NAALAD2: variants seen among roughly 807,000 people sequenced by gnomAD.
NAALAD2 encodes N-acetylated alpha-linked acidic dipeptidase 2, also known as N-acetylated-alpha-linked acidic dipeptidase 2.
In NAALAD2, 89 loss-of-function variants were observed where a neutral mutation model predicts 95.6. The observed-to-expected ratio is 0.93, with a 90% CI of 0.78 to 1.11. The LOEUF is 1.11. NAALAD2 is among the 50% of genes least tolerant of loss of function. NAALAD2 has a pLI of 0.00. For synonymous variants in NAALAD2, 264 were observed against 294.4 expected (o/e 0.90, Z 1.06); for missense variants, 894 against 872.4 (o/e 1.02, Z -0.31).
At chr11:90,184,997 A>G (rs1360724897) in intron 18 of NAALAD2, among the ~76,000 whole-genome samples, 1 of 152,138 alleles carries the variant, frequency 6.6e-6, no homozygotes, top group African/African-American at 2.4e-5. Context: ...GAGCTGATTT[A>G]AAGTATCTGG....
intron 5 of NAALAD2, among the ~76,000 whole-genome samples, chr11:90,151,246 C>T (rs75600323): frequency 0.041 from 6,226 of 152,134 alleles, 424 homozygotes; most frequent in African/African-American, 0.14. Context: ...GACGAGGGCA[C>T]CAATCTCATA....
intron 11 of NAALAD2, among the ~76,000 whole-genome samples, chr11:90,168,273 C>T (rs1042542431): frequency 3.9e-5 from 6 of 152,162 alleles, no homozygotes; most frequent in Admixed American, 2.0e-4. Context: ...GAATAAACTC[C>T]GGACACGCCG....
chr11:90,177,402 G>C (rs1028554603), intron 15 of NAALAD2, among the ~76,000 whole-genome samples: 1 of 150,266 alleles, frequency 6.7e-6, no homozygotes, highest in African/African-American at 2.5e-5. Flanking sequence ...TTTAGTTATC[G>C]AAGATACAAG....
At chr11:90,155,960 T>C (rs1952107071) in intron 6 of NAALAD2, among the ~76,000 whole-genome samples, 1 of 148,170 alleles carries the variant, frequency 6.7e-6, no homozygotes, top group African/African-American at 2.5e-5. Context: ...AAGTGAGCCT[T>C]GGTAGTTTGC....
At chr11:90,187,783 T>C (rs533591258) in intron 18 of NAALAD2, among the ~76,000 whole-genome samples, 2 of 152,314 alleles carry the variant, frequency 1.3e-5, no homozygotes, top group Admixed American at 6.5e-5. Context: ...TTACCAAATC[T>C]GTAGTGTAAT....
intron 11 of NAALAD2, among the ~76,000 whole-genome samples, chr11:90,167,917 T>TG (rs1055540803): frequency 6.6e-5 from 10 of 152,020 alleles, no homozygotes; most frequent in Admixed American, 2.0e-4. Flanking sequence ...AGGATGTGGG[T>TG]GGGGTCAGAT....
At chr11:90,177,118 C>T (rs936329472) in intron 15 of NAALAD2, among the ~76,000 whole-genome samples, 3 of 152,006 alleles carry the variant, frequency 2.0e-5, no homozygotes, top group Admixed American at 6.6e-5. Flanking sequence ...ATAATAAAAA[C>T]TAAAATTAGA....
intron 2 of NAALAD2, among the ~76,000 whole-genome samples, chr11:90,142,556 C>T (rs545030507): frequency 2.2e-4 from 34 of 152,098 alleles, no homozygotes; most frequent in Non-Finnish European, 4.0e-4. Context: ...AAAATGTACC[C>T]TCTATAGAGA....
At chr11:90,160,898 G>T (rs2134910457) in intron 8 of NAALAD2, among the ~76,000 whole-genome samples, 1 of 152,288 alleles carries the variant, frequency 6.6e-6, no homozygotes, top group Middle Eastern at 3.4e-3. Flanking sequence ...ATTCTCTCAT[G>T]TCTCACCTCA....
chr11:90,138,493 G>A (rs750716052), intron 2 of NAALAD2, among the ~76,000 whole-genome samples: 19 of 152,052 alleles, frequency 1.2e-4, no homozygotes, highest in Non-Finnish European at 2.1e-4. Flanking sequence ...TCATAGAAAG[G>A]ACCGTGTTGT....
At chr11:90,161,718 A>G (rs763603957) in intron 8 of NAALAD2, among the ~76,000 whole-genome samples, 5 of 151,956 alleles carry the variant, frequency 3.3e-5, no homozygotes, top group African/African-American at 4.8e-5. Context: ...ACTAATATCA[A>G]TTTTTTTCAT....
At chr11:90,145,904 T>C (rs1253320075) in intron 2 of NAALAD2, among the ~76,000 whole-genome samples, 1 of 152,182 alleles carries the variant, frequency 6.6e-6, no homozygotes, top group Non-Finnish European at 1.5e-5. Context: ...AGACAGGACC[T>C]AACCTAAAAG....
intron 11 of NAALAD2, among the ~76,000 whole-genome samples, chr11:90,166,811 G>A (rs1322229218): frequency 6.7e-6 from 1 of 149,894 alleles, no homozygotes; most frequent in East Asian, 2.0e-4. Flanking sequence ...CTCTGGCCTG[G>A]GCAAAAGAGC....
At chr11:90,159,441 C>A (rs1434217976) in intron 8 of NAALAD2, 104 bp downstream of exon 8, 1 of 761,550 alleles carries the variant, frequency 1.3e-6, no homozygotes, top group Non-Finnish European at 2.1e-6. Context: ...CTCTTTTTCT[C>A]TTTCTAAACA....
intron 18 of NAALAD2, among the ~76,000 whole-genome samples, chr11:90,186,888 C>A (rs1857161404): frequency 7.4e-6 from 1 of 135,316 alleles, no homozygotes; most frequent in South Asian, 2.7e-4. Flanking sequence ...AGTGAACAGG[C>A]AACCTACAAA....
chr11:90,176,908 C>T (rs1324196267), intron 15 of NAALAD2, among the ~76,000 whole-genome samples: 1 of 152,138 alleles, frequency 6.6e-6, no homozygotes, highest in Non-Finnish European at 1.5e-5. Flanking sequence ...ACAATTAATA[C>T]ATAAATGATG....
chr11:90,176,607 A>G (rs908240289), intron 15 of NAALAD2, among the ~76,000 whole-genome samples: 2 of 152,216 alleles, frequency 1.3e-5, no homozygotes, highest in Non-Finnish European at 2.9e-5. Flanking sequence ...ACTGTCACAC[A>G]GACATCCTGA....
intron 13 of NAALAD2, among the ~76,000 whole-genome samples, chr11:90,173,484 A>G (rs1039604054): frequency 6.6e-6 from 1 of 152,186 alleles, no homozygotes; most frequent in Non-Finnish European, 1.5e-5. Flanking sequence ...CTTCCCACTA[A>G]AAGAAATCTA....
At chr11:90,144,184 G>C (rs1951691022) in intron 2 of NAALAD2, among the ~76,000 whole-genome samples, 1 of 152,078 alleles carries the variant, frequency 6.6e-6, no homozygotes, top group South Asian at 2.1e-4. Context: ...ACCATATTAG[G>C]AGCCCCCAAC....
Sources: gnomAD v4.1 joint callset for allele counts (sites outside exome capture counted in the v4.1 genomes callset) on GRCh38, gnomAD v4.1.1 for gene constraint, MANE v1.5 for transcripts, NCBI Gene and HGNC (gene_info 2026-07-23, HGNC 2026-07-21) for gene names.